RAP1GAP2: variants seen among roughly 807,000 people sequenced by gnomAD.
RAP1GAP2 encodes the protein rap1 GTPase-activating protein 2.
In RAP1GAP2, 27 loss-of-function variants were observed where a neutral mutation model predicts 95.0. The observed-to-expected ratio is 0.28, with a 90% CI of 0.21 to 0.39. The LOEUF (loss-of-function observed/expected upper bound fraction) is 0.39, where lower values mean the gene tolerates loss of function less well. RAP1GAP2 is among the 10% of genes least tolerant of loss of function. The pLI is 1.00. For missense variants in RAP1GAP2, 771 were observed against 970.0 expected (o/e 0.79, Z 2.72); for synonymous variants, 373 against 380.9 (o/e 0.98, Z 0.24).
rs777986292 is a variant in RAP1GAP2, at chr17:2,981,267, C to G, written c.729+19C>G. The G allele has an allele frequency of 6.3e-7, 1 of 1,597,964 alleles. No homozygotes were observed. The highest frequency in any genetic ancestry group is 8.6e-7 in the Non-Finnish European group (1 of 1,169,288). On this transcript the variant is annotated intron_variant, in intron 10 of 24. Coordinates refer to ENST00000254695, the MANE Select transcript of RAP1GAP2 (RefSeq NM_015085.5). ...CCCCAAGGTAAGGACCTTCATGCTC[C>G]CAACATAGGGGCCCTGCAGCTTGGC...
upstream of RAP1GAP2, among the ~76,000 whole-genome samples, chr17:2,775,074 C>T (rs111371643): frequency 0.016 from 2,410 of 151,550 alleles, 52 homozygotes; most frequent in African/African-American, 0.055. Context: ...TTAAATGATC[C>T]ACCCGCCTCA....
chr17:3,018,143 G>T lies in RAP1GAP2; in HGVS notation c.1577G>T (p.Ser526Ile). 6.3e-7 allele frequency: 1 copy of T among 1,582,058 alleles called. No homozygotes were observed. The highest frequency in any genetic ancestry group is 8.6e-7 in the Non-Finnish European group (1 of 1,164,760). ...TCGCACAGTGGGGGCATCCCTGGCA[G>T]CCTCAGCGGGGGCATCTCCCACAAC... ...KKSHSGGIPG[S>I]LSGGISHNSM... The change falls in exon 18 of 25, where the codon AGC becomes ATC. Residue 526 changes from serine (S) to isoleucine (I), a missense_variant. Physicochemically the swap from Ser to Ile is moderately radical, Grantham distance 142 (BLOSUM62 -2). Transcript: ENST00000254695.
rs966568193 is a variant in RAP1GAP2 at position 2,866,599 on chromosome 17, A to T, written c.81-38685A>T. Among the ~76,000 whole-genome samples the T allele has an allele frequency of 1.3e-5, 2 of 151,978 alleles. No individual in the cohort carries two copies. The highest frequency in any genetic ancestry group is 2.4e-5 in the African/African-American group (1 of 41,380). On this transcript the variant is annotated intron_variant, in intron 2 of 24. Coordinates refer to ENST00000254695, the MANE Select transcript of RAP1GAP2 (RefSeq NM_015085.5). The surrounding 1 kb of genome is among the most constrained non-coding windows in gnomAD (Gnocchi z 4.0). ...GATTGGTAATTTATTTTATTTATTT[A>T]TTTTATTTTATTATTTTTTGAGGCA...
chr17:2,859,301 G>T (rs537112028), intron 2 of RAP1GAP2, among the ~76,000 whole-genome samples: 1 of 151,796 alleles, frequency 6.6e-6, no homozygotes, highest in Non-Finnish European at 1.5e-5. Context: ...AGTAGAGATG[G>T]GGTTTTACCA....
chr17:2,978,378 C>A (rs147284729), intron 8 of RAP1GAP2, among the ~76,000 whole-genome samples: 14 of 152,170 alleles, frequency 9.2e-5, no homozygotes, highest in African/African-American at 3.4e-4. Flanking sequence ...ACAGTCCCTC[C>A]GATCACTGAG....
Position 2,970,292 on chromosome 17 carries a change from A to AT in RAP1GAP2, c.596+4649_596+4650insT, listed in dbSNP as rs1376877085. On this transcript the variant is annotated intron_variant, in intron 8 of 24. Coordinates refer to ENST00000254695, the MANE Select transcript of RAP1GAP2 (RefSeq NM_015085.5). ...CTGTCTCAAAAAAAAAAAAAAAAAA[A>AT]AAAATAATAATAATACGTCCCTTGT... Among the ~76,000 whole-genome samples the AT allele has an allele frequency of 4.9e-3, 671 of 137,422 alleles. 3 individuals are homozygous for AT. Among genetic ancestry groups the AT allele is most frequent in the East Asian group, 0.034 (157 of 4,674 alleles). 90.2% of individuals were successfully genotyped at this position (137,422 alleles called of 152,430 possible).
Position 3,027,386 on chromosome 17 carries a change from G to A in RAP1GAP2, c.2107+316G>A, listed in dbSNP as rs2047159333. ...CATTAGCCCTTCTCCCCACCTGCCA[G>A]TGCTCCAACCCTTCTCCCCACCTGC... is the stretch of plus-strand genomic sequence containing the variant. On this transcript the variant is annotated intron_variant, in intron 22 of 24. Transcript: ENST00000254695. The surrounding 1 kb of genome is among the most constrained non-coding windows in gnomAD (Gnocchi z 5.2). Among the ~76,000 whole-genome samples, 2 of 152,112 alleles carry A rather than the reference G, an allele frequency of 1.3e-5. No individual in the cohort carries two copies. The highest frequency in any genetic ancestry group is 2.1e-4 in the South Asian group (1 of 4,836).
rs967175585 is a variant in RAP1GAP2, at chr17:2,906,894, A to T, written c.165+1526A>T. 1.3e-5 allele frequency among the ~76,000 whole-genome samples: 2 copies of T among 151,772 alleles called. No individual in the cohort carries two copies. The highest frequency in any genetic ancestry group is 4.8e-5 in the African/African-American group (2 of 41,274). The stretch of plus-strand genomic sequence containing the variant: ...GTTGTAAGTGACAGAAACATAACTC[A>T]CTCTGGCTTAGTCATAAAAGGGTAT... On this transcript the variant is annotated intron_variant, in intron 3 of 24. Coordinates refer to ENST00000254695, the MANE Select transcript of RAP1GAP2 (RefSeq NM_015085.5). The surrounding 1 kb of genome is among the most constrained non-coding windows in gnomAD (Gnocchi z 4.3).
chr17:2,768,025 C>T (rs568445528), intron 1 of RAP1GAP2, among the ~76,000 whole-genome samples: 26 of 152,290 alleles, frequency 1.7e-4, no homozygotes, highest in Admixed American at 6.5e-5. Flanking sequence ...AGCCACCGTA[C>T]GTGGCCAATT....
At chr17:2,981,631 C>A (rs182781534) in intron 10 of RAP1GAP2, among the ~76,000 whole-genome samples, 3 of 152,260 alleles carry the variant, frequency 2.0e-5, no homozygotes, top group Non-Finnish European at 2.9e-5. Flanking sequence ...GTACAGCAGG[C>A]AGACACCAAG....
intron 1 of RAP1GAP2, among the ~76,000 whole-genome samples, chr17:2,777,677 C>G (rs1021802768): frequency 6.6e-6 from 1 of 152,178 alleles, no homozygotes; most frequent in Non-Finnish European, 1.5e-5. Flanking sequence ...TATAGCTCCC[C>G]CTACATGCTT....
At chr17:2,894,636 C>T (rs1288929160) in intron 2 of RAP1GAP2, among the ~76,000 whole-genome samples, 1 of 152,142 alleles carries the variant, frequency 6.6e-6, no homozygotes, top group Non-Finnish European at 1.5e-5. Flanking sequence ...TCATCTGCCT[C>T]TCGCAAAGCG....
At chr17:2,909,677 T>A (rs1753122859) in intron 3 of RAP1GAP2, among the ~76,000 whole-genome samples, 1 of 152,202 alleles carries the variant, frequency 6.6e-6, no homozygotes, top group African/African-American at 2.4e-5. Flanking sequence ...GCAGCTGCAG[T>A]CAGGAGGTGT....
At chr17:2,780,137 G>A (rs1301473811) in intron 1 of RAP1GAP2, among the ~76,000 whole-genome samples, 8 of 152,092 alleles carry the variant, frequency 5.3e-5, no homozygotes, top group South Asian at 2.1e-4. Flanking sequence ...CGCAACCTCC[G>A]CCTCCTGGGT....
chr17:2,822,598 T>C (rs964936872), intron 2 of RAP1GAP2, among the ~76,000 whole-genome samples: 2 of 150,002 alleles, frequency 1.3e-5, no homozygotes, highest in Non-Finnish European at 3.0e-5. Flanking sequence ...GTACTCCGCC[T>C]GGAGGACAAT....
chr17:2,887,991 A>C (rs1197186038), intron 2 of RAP1GAP2, among the ~76,000 whole-genome samples: 2 of 152,246 alleles, frequency 1.3e-5, no homozygotes, highest in Admixed American at 6.5e-5. Flanking sequence ...TATCTCTACT[A>C]TCTGTGTCCA....
At chr17:2,930,620 GCA>G (rs1567791025) in intron 3 of RAP1GAP2, among the ~76,000 whole-genome samples, 1 of 152,200 alleles carries the variant, frequency 6.6e-6, no homozygotes, top group African/African-American at 2.4e-5. Context: ...TCAAACACAC[GCA>G]CAGAGGCATC....
chr17:2,843,710 C>G (rs182214142), intron 2 of RAP1GAP2, among the ~76,000 whole-genome samples: 1 of 152,232 alleles, frequency 6.6e-6, no homozygotes, highest in East Asian at 1.9e-4. Context: ...CCAAGAAAGA[C>G]AAGAGCTTCG....
chr17:2,818,947 G>C (rs1257321242), intron 2 of RAP1GAP2, among the ~76,000 whole-genome samples: 3 of 152,112 alleles, frequency 2.0e-5, no homozygotes, highest in Non-Finnish European at 4.4e-5. Context: ...ACAGAGAGGG[G>C]ATGTAGCAGA....
Sources: gnomAD v4.1 joint callset for allele counts (sites outside exome capture counted in the v4.1 genomes callset) on GRCh38, gnomAD v4.1.1 for gene constraint, Gnocchi (gnomAD v3.1) non-coding constraint, MANE v1.5 for transcripts, NCBI Gene and HGNC (gene_info 2026-07-23, HGNC 2026-07-21) for gene names.